The following TSPAN16 variants were observed in gnomAD, a reference collection of about 807,000 sequenced individuals.
The protein encoded by TSPAN16 is tetraspanin 16.
A neutral mutation model predicts 25.2 loss-of-function variants in TSPAN16; 23 were observed. That is an observed-to-expected ratio of 0.91 (90% CI 0.66 to 1.29). The LOEUF (loss-of-function observed/expected upper bound fraction) is 1.29. Ranked by LOEUF, TSPAN16 falls within the 50% of genes most tolerant of loss-of-function variation. The pLI is 0.00. For synonymous variants in TSPAN16, 123 were observed against 124.4 expected (o/e 0.99, Z 0.08); for missense variants, 272 against 299.9 (o/e 0.91, Z 0.69).
At chr19:11,296,393 G>T in intron 1 of TSPAN16, 27 bp downstream of exon 1, 1 of 1,611,536 alleles carries the variant, frequency 6.2e-7, no homozygotes, top group Non-Finnish European at 8.5e-7. Context: ...CCAGGCCCCT[G>T]GTTTGTTGCA....
At chr19:11,326,371 A>G (rs1423221400) in intron 6 of TSPAN16, among the ~76,000 whole-genome samples, 1 of 152,108 alleles carries the variant, frequency 6.6e-6, no homozygotes, top group Non-Finnish European at 1.5e-5. Context: ...ATGGAGCAAG[A>G]CCCTGTCTCA....
intron 6 of TSPAN16, among the ~76,000 whole-genome samples, chr19:11,325,957 A>G (rs934289271): frequency 6.6e-6 from 1 of 152,114 alleles, no homozygotes; most frequent in African/African-American, 2.4e-5. Context: ...GAGGAGGCTC[A>G]TGCCTATAAT....
At chr19:11,325,493 C>T (rs759511091) in intron 6 of TSPAN16, 36 of 1,613,508 alleles carry the variant, frequency 2.2e-5, no homozygotes, top group Admixed American at 3.3e-5. Flanking sequence ...TCCAGGGACT[C>T]GTTCATCTTC....
intron 6 of TSPAN16, chr19:11,325,470 G>A (rs774112638): frequency 1.2e-6 from 2 of 1,612,700 alleles, no homozygotes; most frequent in South Asian, 1.1e-5. Flanking sequence ...TGCTGCCTGA[G>A]CTGGAGCTGG....
chr19:11,320,981 C>T lies in TSPAN16; in HGVS notation c.688-5813C>T, dbSNP rs1013739021. Among the ~76,000 whole-genome samples, 5 of 151,924 alleles carry T rather than the reference C, an allele frequency of 3.3e-5. 1 individual carries two copies. The highest frequency in any genetic ancestry group is 1.3e-4 in the Admixed American group (2 of 15,228). ...GTCAGGCGTTCGAGACCAGCCTGGC[C>T]AACGTGGTGAAACCCCGTCTCTACT... is the stretch of plus-strand genomic sequence containing the variant. On this transcript the variant is annotated intron_variant, in intron 6 of 6. Coordinates refer to the TSPAN16 transcript ENST00000316737.
chr19:11,299,164 C>T (rs1252593400), intron 3 of TSPAN16, among the ~76,000 whole-genome samples: 1 of 152,004 alleles, frequency 6.6e-6, no homozygotes, highest in Non-Finnish European at 1.5e-5. Context: ...ACTTGTAATC[C>T]AGCTACTCAG....
chr19:11,301,638 TAAA>T (rs567521729), intron 4 of TSPAN16, among the ~76,000 whole-genome samples: 2 of 130,058 alleles, frequency 1.5e-5, no homozygotes, highest in African/African-American at 2.9e-5. Flanking sequence ...AGGCTCTGTT[TAAA>T]AAAAAAAAAA....
chr19:11,325,446 C>T lies in TSPAN16; in HGVS notation c.688-1348C>T, dbSNP rs146422241. 6,105 of 1,609,258 alleles carry T rather than the reference C, an allele frequency of 3.8e-3. 29 individuals carry two copies. Among genetic ancestry groups the T allele is most frequent in the Non-Finnish European group, 4.3e-3 (5,093 of 1,179,896 alleles). ...GGGGGGCTGGAGCATCCCCCACGGC[C>T]GGGCCTTTCCCGTTGCTGCCTGAGC... On this transcript the variant is annotated intron_variant, in intron 6 of 6. Transcript: ENST00000316737.
Position 11,298,133 on chromosome 19 carries a change from G to A in TSPAN16, c.70-9G>A, listed in dbSNP as rs752061321. ...TTACTTTTCTTCCTTTCTGGTTTCT[G>A]TTCTAAAGGTGTCTGGCATCATCCT... On this transcript the variant is annotated splice_polypyrimidine_tract_variant and intron_variant, in intron 1 of 6. Transcript: ENST00000590327. 6.8e-6 allele frequency: 11 copies of A among 1,614,030 alleles called. No homozygotes were observed. The highest frequency in any genetic ancestry group is 8.5e-6 in the Non-Finnish European group (10 of 1,179,918).
At chr19:11,319,330 T>C, downstream of TSPAN16, among the ~76,000 whole-genome samples, 1 of 152,216 alleles carries the variant, frequency 6.6e-6, no homozygotes, top group South Asian at 2.1e-4. Context: ...CCAGGCGCAG[T>C]GGCTTATGCC....
chr19:11,298,426 G>C, intron 2 of TSPAN16, 87 bp downstream of exon 2: 1 of 1,337,932 alleles, frequency 7.5e-7, no homozygotes, highest in Non-Finnish European at 1.0e-6. Context: ...ACTTTGCTTG[G>C]TGTCACCTAT....
downstream of TSPAN16, among the ~76,000 whole-genome samples, chr19:11,320,966 C>T (rs545241718): frequency 1.1e-4 from 16 of 152,050 alleles, no homozygotes; most frequent in South Asian, 4.2e-4. Context: ...GTCAGGCGTT[C>T]GAGACCAGCC....
chr19:11,313,544 TA>T (rs2080715849), intron 6 of TSPAN16, among the ~76,000 whole-genome samples: 1 of 113,748 alleles, frequency 8.8e-6, no homozygotes, highest in South Asian at 2.8e-4. Flanking sequence ...AAAAAAAAAT[TA>T]TATCTTAATA....
At chr19:11,325,732 TCA>T in intron 6 of TSPAN16, 3 of 679,730 alleles carry the variant, frequency 4.4e-6, no homozygotes, top group Non-Finnish European at 7.3e-6. Flanking sequence ...ACTCCAAGCC[TCA>T]GTTTGCTCAC....
downstream of TSPAN16, among the ~76,000 whole-genome samples, chr19:11,320,225 G>C (rs1162802086): frequency 7.0e-6 from 1 of 143,348 alleles, no homozygotes; most frequent in Admixed American, 7.1e-5. Flanking sequence ...TTGTTCAAGC[G>C]ATTCTCCCGC....
In TSPAN16 at chr19:11,301,078, T is replaced by C. The variant is rs3786732; in HGVS notation, c.343-123T>C. On this transcript the variant is annotated intron_variant, in intron 3 of 6. Transcript: ENST00000590327. The stretch of plus-strand genomic sequence containing the variant: ...CTAGCACAGACCCCTGAGCTGAGGG[T>C]AGGAAAAATGAAGGCAGCACGAGGG... The C allele has an allele frequency of 9.7e-3, 7,050 of 726,702 alleles. 511 individuals are homozygous for C. In the East Asian group the frequency reaches 0.15, roughly 15 times the overall value. 45.0% of individuals were successfully genotyped at this position (726,702 alleles called of 1,614,324 possible). A position where few individuals can be genotyped will look rare whatever the true frequency, so the allele number is the denominator to read the frequency against.
At chr19:11,300,452 G>C (rs1372649061) in intron 3 of TSPAN16, among the ~76,000 whole-genome samples, 1 of 152,178 alleles carries the variant, frequency 6.6e-6, no homozygotes, top group Non-Finnish European at 1.5e-5. Flanking sequence ...ATCCTCACTT[G>C]CTGGCACTAG....
At chr19:11,320,122 C>CTTTTTTTTTTT (rs373015307), downstream of TSPAN16, among the ~76,000 whole-genome samples, 117 of 106,772 alleles carry the variant, frequency 1.1e-3, 7 homozygotes, top group Admixed American at 1.7e-3. Flanking sequence ...CCGGCCAGGA[C>CTTTTTTTTTTT]TTTTTTTTTT....
rs536325900 is a variant in TSPAN16, at chr19:11,302,637, A to G, written c.450+1329A>G. Among the ~76,000 whole-genome samples, 1,136 of 138,782 alleles carry G rather than the reference A, an allele frequency of 8.2e-3. 15 individuals are homozygous for G. The highest frequency in any genetic ancestry group is 0.031 in the African/African-American group (1,045 of 33,982). 91.0% of individuals were successfully genotyped at this position (138,782 alleles called of 152,430 possible). On this transcript the variant is annotated intron_variant, in intron 4 of 6. Coordinates refer to ENST00000590327, the MANE Select transcript of TSPAN16 (RefSeq NM_001282509.2). ...TATGTATATAAATATATATATACAC[A>G]CATACATATATATATACACATACAT...
Sources: gnomAD v4.1 joint callset for allele counts (sites outside exome capture counted in the v4.1 genomes callset) on GRCh38, gnomAD v4.1.1 for gene constraint, MANE v1.5 for transcripts, NCBI Gene and HGNC (gene_info 2026-07-23, HGNC 2026-07-21) for gene names.